The following CDH13 variants were observed in gnomAD, a reference collection of about 807,000 sequenced individuals.
CDH13 encodes the protein cadherin-13.
In CDH13, 24 loss-of-function variants were observed where a neutral mutation model predicts 63.8. That is an observed-to-expected ratio of 0.38 (90% confidence interval 0.27 to 0.53). The LOEUF is 0.53. Among genes scored for constraint, CDH13 ranks in the 20% least tolerant of loss-of-function variants. The pLI is 0.85. For missense variants in CDH13, 1,049 were observed against 903.1 expected (o/e 1.16, Z -2.07); for synonymous variants, 503 against 355.3 (o/e 1.42, Z -4.67).
chr16:82,775,770 T>G (rs1746417527), intron 1 of CDH13, among the ~76,000 whole-genome samples: 1 of 152,166 alleles, frequency 6.6e-6, no homozygotes, highest in Non-Finnish European at 1.5e-5. Context: ...CCAGGCACAG[T>G]GTACACCCTT....
At chr16:83,200,921 A>ATGTGTGTGTGTGTG (rs374017580) in intron 4 of CDH13, among the ~76,000 whole-genome samples, 37 of 129,750 alleles carry the variant, frequency 2.9e-4, no homozygotes, top group Middle Eastern at 4.1e-3. Flanking sequence ...AGTCTTAAAA[A>ATGTGTGTGTGTGTG]TGTGTGTGTG....
intron 1 of CDH13, among the ~76,000 whole-genome samples, chr16:82,642,391 A>G (rs1342820488): frequency 6.6e-6 from 1 of 152,216 alleles, no homozygotes; most frequent in Non-Finnish European, 1.5e-5. Flanking sequence ...ATCAATAGGG[A>G]ACAATGTATA....
chr16:83,651,205 A>G (rs1425316531), intron 8 of CDH13, among the ~76,000 whole-genome samples: 1 of 152,178 alleles, frequency 6.6e-6, no homozygotes, highest in Non-Finnish European at 1.5e-5. Flanking sequence ...TGGTAGGAAT[A>G]TTAGGTAGTG....
chr16:83,359,627 G>T (rs1424264492), intron 6 of CDH13, among the ~76,000 whole-genome samples: 2 of 152,094 alleles, frequency 1.3e-5, no homozygotes, highest in African/African-American at 4.8e-5. Context: ...TTTGAATTGG[G>T]CACATTCGAA....
At chr16:82,870,928 T>C (rs1322042476) in intron 2 of CDH13, among the ~76,000 whole-genome samples, 3 of 150,922 alleles carry the variant, frequency 2.0e-5, no homozygotes, top group African/African-American at 7.5e-5. Context: ...ATATTTATCT[T>C]TCTGATATCC....
At chr16:83,405,362 G>C (rs1302717461) in intron 6 of CDH13, among the ~76,000 whole-genome samples, 12 of 152,142 alleles carry the variant, frequency 7.9e-5, no homozygotes, top group Non-Finnish European at 1.3e-4. Context: ...TAAGGATCTT[G>C]ATTTAAAGAA....
At chr16:83,449,732 ATG>A (rs1180759088) in intron 6 of CDH13, among the ~76,000 whole-genome samples, 1 of 152,182 alleles carries the variant, frequency 6.6e-6, no homozygotes, top group Admixed American at 6.5e-5. Flanking sequence ...AACTTGCCTA[ATG>A]TGTCATCTTG....
chr16:83,282,566 A>G (rs941397114), intron 5 of CDH13, among the ~76,000 whole-genome samples: 5 of 152,248 alleles, frequency 3.3e-5, no homozygotes, highest in African/African-American at 1.2e-4. Context: ...TCATAAGGTT[A>G]TAAAACAAGT....
chr16:82,850,370 G>A (rs925106989), intron 1 of CDH13, among the ~76,000 whole-genome samples: 2 of 152,210 alleles, frequency 1.3e-5, no homozygotes, highest in Non-Finnish European at 2.9e-5. Flanking sequence ...AGAATTAGAA[G>A]CAGAGCTTGA....
At chr16:83,437,966 C>A (rs545312302) in intron 6 of CDH13, among the ~76,000 whole-genome samples, 1 of 152,290 alleles carries the variant, frequency 6.6e-6, no homozygotes, top group South Asian at 2.1e-4. Flanking sequence ...CTCCATCCAT[C>A]CTCCTGGCCA....
At chr16:82,869,586 C>T (rs1329750468) in intron 2 of CDH13, among the ~76,000 whole-genome samples, 1 of 152,114 alleles carries the variant, frequency 6.6e-6, no homozygotes, top group Non-Finnish European at 1.5e-5. Flanking sequence ...TACAGTTGTA[C>T]TACAAAGCTA....
At chr16:82,943,778 G>A (rs1390804246) in intron 2 of CDH13, among the ~76,000 whole-genome samples, 2 of 152,218 alleles carry the variant, frequency 1.3e-5, no homozygotes, top group African/African-American at 4.8e-5. Flanking sequence ...GTCTCTCAAG[G>A]TAGTGTCTTG....
intron 1 of CDH13, among the ~76,000 whole-genome samples, chr16:82,839,975 A>G (rs1301012645): frequency 6.6e-6 from 1 of 152,188 alleles, no homozygotes; most frequent in Non-Finnish European, 1.5e-5. Context: ...GACTCATGAA[A>G]TTTCAAGTAA....
chr16:83,171,734 C>A (rs1347241555), intron 4 of CDH13, among the ~76,000 whole-genome samples: 2 of 152,136 alleles, frequency 1.3e-5, no homozygotes, highest in African/African-American at 4.8e-5. Context: ...CTTTCTGAGG[C>A]ATGGAGTCCC....
At chr16:82,840,270 A>G (rs1292304191) in intron 1 of CDH13, among the ~76,000 whole-genome samples, 1 of 151,654 alleles carries the variant, frequency 6.6e-6, no homozygotes, top group Non-Finnish European at 1.5e-5. Flanking sequence ...GAAGCTGAGG[A>G]GGGCGATGTC....
chr16:82,975,051 G>T (rs1375903130), intron 2 of CDH13, among the ~76,000 whole-genome samples: 1 of 152,174 alleles, frequency 6.6e-6, no homozygotes, highest in Non-Finnish European at 1.5e-5. Context: ...CACACCCTCG[G>T]CATCACTTGG....
At chr16:83,256,972 G>A (rs1030788402) in intron 5 of CDH13, among the ~76,000 whole-genome samples, 2 of 152,086 alleles carry the variant, frequency 1.3e-5, no homozygotes, top group Non-Finnish European at 2.9e-5. Flanking sequence ...CCTGCATGCT[G>A]TGTGTTGTGA....
chr16:83,696,447 T>A (rs1567523193), intron 10 of CDH13, among the ~76,000 whole-genome samples: 1 of 151,888 alleles, frequency 6.6e-6, no homozygotes, highest in Non-Finnish European at 1.5e-5. Context: ...TCCAATAGAG[T>A]GAGCACATGA....
chr16:83,048,416 G>A (rs1313476443), intron 3 of CDH13, among the ~76,000 whole-genome samples: 4 of 152,202 alleles, frequency 2.6e-5, no homozygotes, highest in Non-Finnish European at 5.9e-5. Context: ...TCCTGGACCT[G>A]TGCCAACTCC....
Sources: allele counts gnomAD v4.1 joint callset (sites outside exome capture counted in the v4.1 genomes callset), GRCh38; gene constraint gnomAD v4.1.1; transcripts MANE v1.5; gene names NCBI Gene and HGNC (gene_info 2026-07-23, HGNC 2026-07-21).